PARD3B: variants seen among roughly 807,000 people sequenced by gnomAD.
PARD3B encodes partitioning defective 3 homolog B.
PARD3B carries 103 observed loss-of-function variants against 130.2 expected under a neutral mutation model. The ratio of observed to expected loss-of-function variants is 0.79; its 90% CI spans 0.67 to 0.93. PARD3B has a LOEUF of 0.93. Among genes scored for constraint, PARD3B ranks in the 40% least tolerant of loss-of-function variants. The pLI is 0.00. For missense variants in PARD3B, 1,609 were observed against 1,499.2 expected, an observed-to-expected ratio of 1.07 and a Z score of -1.21; for synonymous variants, 583 against 553.2, an observed-to-expected ratio of 1.05 and a Z score of -0.76.
intron 2 of PARD3B, among the ~76,000 whole-genome samples, chr2:204,754,407 A>G (rs2040584403): frequency 6.6e-6 from 1 of 152,168 alleles, no homozygotes; most frequent in Non-Finnish European, 1.5e-5. Flanking sequence ...AAATCTGAGC[A>G]CTGTCTGTCA....
At chr2:205,294,017 G>A (rs979012662) in intron 16 of PARD3B, among the ~76,000 whole-genome samples, 79 of 152,218 alleles carry the variant, frequency 5.2e-4, no homozygotes, top group African/African-American at 1.9e-3. Context: ...AATAATAAAG[G>A]TAGTGTTTTC....
intron 2 of PARD3B, among the ~76,000 whole-genome samples, chr2:204,883,785 G>A (rs1377081998): frequency 6.9e-6 from 1 of 145,250 alleles, no homozygotes. Flanking sequence ...TGTCACCCAG[G>A]CTGGAGTGCA....
intron 22 of PARD3B, among the ~76,000 whole-genome samples, chr2:205,569,899 CA>C (rs2053499942): frequency 6.6e-6 from 1 of 152,126 alleles, no homozygotes; most frequent in African/African-American, 2.4e-5. Flanking sequence ...GCCGTGTTAG[CA>C]AGGCATGCCT....
At chr2:205,502,042 T>C (rs1027818267) in intron 21 of PARD3B, among the ~76,000 whole-genome samples, 1 of 151,828 alleles carries the variant, frequency 6.6e-6, no homozygotes, top group Non-Finnish European at 1.5e-5. Flanking sequence ...AAAACACGAG[T>C]GTTCTTTGTG....
In PARD3B at chr2:205,021,563, C is replaced by CAACT. The variant is rs1458645420; in HGVS notation, c.395-26016_395-26013dup. 1.3e-5 allele frequency among the ~76,000 whole-genome samples: 2 copies of CAACT among 151,256 alleles called. No homozygotes were observed. Among genetic ancestry groups the CAACT allele is most frequent in the African/African-American group, 4.9e-5 (2 of 41,176 alleles). Reference sequence around the variant, plus strand: ...GCAGGAGGTAATAGCATTTATTGAGCAACTATATGCTCTCTTCTCTCTCTC... The same window carrying CAACT: ...GCAGGAGGTAATAGCATTTATTGAGCAACTAACTATATGCTCTCTTCTCTCTCTC... On this transcript the variant is annotated intron_variant, in intron 3 of 22. Transcript: ENST00000406610. This position sits in a 1 kb window ranked among gnomAD's most constrained non-coding sequence, Gnocchi z 4.5.
rs746422352 is a variant in PARD3B, at chr2:204,673,566, TG to T, written c.121-12614del. ...AGACTTGCCCTGGGGCACAGCCATT[TG>T]TTAGAAGACCTGGCTCCCCACCTCC... On this transcript the variant is annotated intron_variant, in intron 1 of 22. Coordinates refer to ENST00000406610, the MANE Select transcript of PARD3B (RefSeq NM_001302769.2). The surrounding 1 kb of genome is among the most constrained non-coding windows in gnomAD (Gnocchi z 4.7). Among the ~76,000 whole-genome samples the T allele has an allele frequency of 1.3e-5, 2 of 152,338 alleles. No homozygotes were observed. Among genetic ancestry groups the T allele is most frequent in the East Asian group, 3.9e-4 (2 of 5,178 alleles).
In PARD3B at chr2:204,920,956, C is replaced by G. The variant is rs192655959; in HGVS notation, c.223-44196C>G. ...TGCATAATATTCCTATATGTCCACT[C>G]ACTCACTTGCAGTGCAGCTGGAATA... is the stretch of plus-strand genomic sequence containing the variant. On this transcript the variant is annotated intron_variant, in intron 2 of 22. Transcript: ENST00000406610. Among the ~76,000 whole-genome samples, 7 of 152,316 alleles carry G rather than the reference C, an allele frequency of 4.6e-5. No individual in the cohort carries two copies. In the East Asian group the frequency reaches 1.2e-3, roughly 25 times the overall value.
chr2:205,537,586 A>G (rs2051919499), intron 21 of PARD3B, among the ~76,000 whole-genome samples: 1 of 152,146 alleles, frequency 6.6e-6, no homozygotes, highest in Non-Finnish European at 1.5e-5. Flanking sequence ...TAAATCTGGG[A>G]GTTGCACTCA....
At chr2:204,552,514 C>T (rs1351594012) in intron 1 of PARD3B, among the ~76,000 whole-genome samples, 3 of 152,184 alleles carry the variant, frequency 2.0e-5, no homozygotes, top group Non-Finnish European at 4.4e-5. Context: ...TAAGTCCCAG[C>T]TATTTATCTT....
intron 16 of PARD3B, among the ~76,000 whole-genome samples, chr2:205,262,172 T>C (rs1047183590): frequency 5.3e-5 from 8 of 152,076 alleles, no homozygotes; most frequent in Non-Finnish European, 1.0e-4. Flanking sequence ...AGAGAATGGA[T>C]TGAGAATTTG....
In PARD3B at chr2:205,473,423, A is replaced by T. The variant is rs6740532; in HGVS notation, c.3045-26473A>T. ...TAGCTGTCACATCTTGTCTCAGCCCATTGTGTCTAAATGTTAACTCTCTTA... is the reference window on the plus strand; with the variant it reads ...TAGCTGTCACATCTTGTCTCAGCCCTTTGTGTCTAAATGTTAACTCTCTTA... On this transcript the variant is annotated intron_variant, in intron 20 of 22. Coordinates refer to ENST00000406610, the MANE Select transcript of PARD3B (RefSeq NM_001302769.2). The surrounding 1 kb of genome is among the most constrained non-coding windows in gnomAD (Gnocchi z 4.9). Among the ~76,000 whole-genome samples, 6,415 of 152,004 alleles carry T rather than the reference A, an allele frequency of 0.042. 472 individuals carry two copies. The highest frequency in any genetic ancestry group is 0.15 in the African/African-American group (6,082 of 41,450).
rs575679551 is a variant in PARD3B, at chr2:204,865,520, G to T, written c.223-99632G>T. Among the ~76,000 whole-genome samples the T allele has an allele frequency of 3.8e-3, 584 of 152,318 alleles. 2 individuals are homozygous for T. Among genetic ancestry groups the T allele is most frequent in the Non-Finnish European group, 6.5e-3 (442 of 68,034 alleles). On this transcript the variant is annotated intron_variant, in intron 2 of 22. Coordinates refer to ENST00000406610, the MANE Select transcript of PARD3B (RefSeq NM_001302769.2). ...GGAATTGGAGACCATTATTCTAAGTGAAGTAACTCAGGAGTGGAAAACCAA... is the reference window on the plus strand; with the variant it reads ...GGAATTGGAGACCATTATTCTAAGTTAAGTAACTCAGGAGTGGAAAACCAA...
intron 10 of PARD3B, among the ~76,000 whole-genome samples, chr2:205,157,469 A>G (rs909481111): frequency 2.0e-5 from 3 of 152,192 alleles, no homozygotes; most frequent in Non-Finnish European, 4.4e-5. Context: ...TATTTCTTTA[A>G]AAGTTAGCTG....
chr2:205,392,854 T>A (rs73062407), intron 18 of PARD3B, among the ~76,000 whole-genome samples: 5,542 of 152,262 alleles, frequency 0.036, 309 homozygotes, highest in African/African-American at 0.12. Flanking sequence ...AGAATTAGAA[T>A]ATTTTTCCTT....
intron 2 of PARD3B, among the ~76,000 whole-genome samples, chr2:204,765,055 A>G (rs1332293667): frequency 6.6e-6 from 1 of 152,146 alleles, no homozygotes; most frequent in Non-Finnish European, 1.5e-5. Context: ...GAGATTTACC[A>G]GTGTATTTTT....
At chr2:204,550,175 G>A (rs1349518965) in intron 1 of PARD3B, among the ~76,000 whole-genome samples, 1 of 152,110 alleles carries the variant, frequency 6.6e-6, no homozygotes, top group Non-Finnish European at 1.5e-5. Flanking sequence ...AAATGCTGCA[G>A]TGTTTGCATG....
At chr2:204,691,163 G>C (rs1271441673) in intron 2 of PARD3B, among the ~76,000 whole-genome samples, 1 of 152,016 alleles carries the variant, frequency 6.6e-6, no homozygotes, top group Non-Finnish European at 1.5e-5. Flanking sequence ...GAGCTTCTGA[G>C]TATTAAGCTT....
chr2:205,302,693 G>T lies in PARD3B; in HGVS notation c.2630+992G>T, dbSNP rs77902155. Among the ~76,000 whole-genome samples the T allele has an allele frequency of 3.9e-5, 6 of 152,300 alleles. No homozygotes were observed. The East Asian group carries it at 9.7e-4, about 25-fold the overall frequency. On this transcript the variant is annotated intron_variant, in intron 18 of 22. Transcript: ENST00000406610. ...ATCCCTCTGTGACTCTAGGTGTGCA[G>T]TGGCCGGGCCTCTGGGCACATCACT... is the stretch of plus-strand genomic sequence containing the variant.
chr2:205,064,152 C>T (rs1700221241), intron 4 of PARD3B, among the ~76,000 whole-genome samples: 1 of 152,028 alleles, frequency 6.6e-6, no homozygotes, highest in South Asian at 2.1e-4. Context: ...TTCCAAGTGG[C>T]AAAATACAAT....
Sources: gnomAD v4.1 joint callset for allele counts (sites outside exome capture counted in the v4.1 genomes callset) on GRCh38, gnomAD v4.1.1 for gene constraint, Gnocchi (gnomAD v3.1) non-coding constraint, MANE v1.5 for transcripts, NCBI Gene and HGNC (gene_info 2026-07-23, HGNC 2026-07-21) for gene names.